The following THRAP3 variants were observed in gnomAD, a reference collection of about 807,000 sequenced individuals.
THRAP3 encodes thyroid hormone receptor associated protein 3.
Under a neutral mutation model 101.0 loss-of-function variants are expected in THRAP3, and 16 were observed. The ratio of observed to expected loss-of-function variants is 0.16; its 90% CI spans 0.11 to 0.24. The LOEUF is 0.24. THRAP3 is among the 10% of genes least tolerant of loss of function. The pLI, the probability that THRAP3 is intolerant of heterozygous loss-of-function variation, is 1.00. For missense variants in THRAP3, 989 were observed against 1,202.7 expected, an observed-to-expected ratio of 0.82 and a Z score of 2.63; for synonymous variants, 407 against 422.6, an observed-to-expected ratio of 0.96 and a Z score of 0.45.
intron 1 of THRAP3, among the ~76,000 whole-genome samples, chr1:36,238,691 C>G (rs182507627): frequency 6.6e-6 from 1 of 152,036 alleles, no homozygotes; most frequent in African/African-American, 2.4e-5. Flanking sequence ...AATGAGTGAG[C>G]TTTTCGGGCT....
intron 6 of THRAP3, 146 bp downstream of exon 6, chr1:36,291,692 C>G: frequency 2.5e-6 from 2 of 804,990 alleles, no homozygotes; most frequent in Non-Finnish European, 3.8e-6. Flanking sequence ...AAATTCCATT[C>G]AAGAAGCAGT....
intron 2 of THRAP3, among the ~76,000 whole-genome samples, chr1:36,274,107 C>CACAT (rs1557437807): frequency 1.4e-5 from 2 of 141,546 alleles, no homozygotes; most frequent in African/African-American, 5.3e-5. Context: ...CACACACACA[C>CACAT]AGACAAAATG....
At chr1:36,249,983 C>A (rs1250271516) in intron 1 of THRAP3, among the ~76,000 whole-genome samples, 2 of 152,024 alleles carry the variant, frequency 1.3e-5, no homozygotes, top group South Asian at 4.1e-4. Flanking sequence ...ATTCTGGCAT[C>A]AAATTTGGTC....
At chr1:36,291,285 T>A in intron 5 of THRAP3, 89 bp from the exon 6 acceptor site, 1 of 1,376,420 alleles carries the variant, frequency 7.3e-7, no homozygotes. Flanking sequence ...ATAGATAGAT[T>A]TAAAACTCTT....
At chr1:36,293,395 G>C (rs957428418) in intron 7 of THRAP3, among the ~76,000 whole-genome samples, 1 of 152,150 alleles carries the variant, frequency 6.6e-6, no homozygotes, top group African/African-American at 2.4e-5. Context: ...TGGGTAGTTG[G>C]ATTCTTCTGG....
chr1:36,234,109 C>T (rs562398559), intron 1 of THRAP3, among the ~76,000 whole-genome samples: 2 of 152,144 alleles, frequency 1.3e-5, no homozygotes, highest in Non-Finnish European at 2.9e-5. Flanking sequence ...GTGCCCACCA[C>T]CATGCCTGGC....
chr1:36,263,038 C>T (rs1470835665), intron 2 of THRAP3, among the ~76,000 whole-genome samples: 3 of 147,704 alleles, frequency 2.0e-5, no homozygotes, highest in Non-Finnish European at 3.0e-5. Context: ...TCTCTATCTC[C>T]TGACCTCGTG....
intron 3 of THRAP3, among the ~76,000 whole-genome samples, chr1:36,283,381 C>G (rs1005941296): frequency 6.6e-6 from 1 of 152,158 alleles, no homozygotes; most frequent in East Asian, 1.9e-4. Context: ...CCTCCAGCGT[C>G]TTTCCTCTCT....
At chr1:36,292,894 GTC>G (rs1230138795) in intron 7 of THRAP3, among the ~76,000 whole-genome samples, 185 bp downstream of exon 7, 3 of 152,132 alleles carry the variant, frequency 2.0e-5, no homozygotes, top group Admixed American at 6.5e-5. Flanking sequence ...TGGGACAACA[GTC>G]TCTCACATTG....
intron 1 of THRAP3, among the ~76,000 whole-genome samples, chr1:36,229,913 A>G (rs1645007281): frequency 6.7e-6 from 1 of 150,008 alleles, no homozygotes. Context: ...TGGCCTCCCA[A>G]AGTGCTGGGA....
chr1:36,275,412 C>T (rs1264683469), intron 2 of THRAP3, among the ~76,000 whole-genome samples: 1 of 149,720 alleles, frequency 6.7e-6, no homozygotes, highest in Non-Finnish European at 1.5e-5. Flanking sequence ...ATGGCGAAAC[C>T]CTGTCTCTAC....
upstream of THRAP3, among the ~76,000 whole-genome samples, chr1:36,220,197 T>C (rs554666984): frequency 6.6e-6 from 1 of 152,240 alleles, no homozygotes; most frequent in South Asian, 2.1e-4. Flanking sequence ...TTCACTGTGT[T>C]GGCCAGGCTG....
At chr1:36,207,855 C>T in the THRAP3 span, among the ~76,000 whole-genome samples, 96 of 152,238 alleles carry the variant, frequency 6.3e-4, 2 homozygotes, top group East Asian at 0.011. Context: ...TGCCGTGGCA[C>T]GATCTTGGCT....
At chr1:36,270,778 C>T (rs1424090866) in intron 2 of THRAP3, among the ~76,000 whole-genome samples, 4 of 151,788 alleles carry the variant, frequency 2.6e-5, no homozygotes, top group African/African-American at 4.8e-5. Context: ...GGTTTCTCCA[C>T]GTTGGTCAGG....
At chr1:36,232,062 A>G (rs1645034256) in intron 1 of THRAP3, among the ~76,000 whole-genome samples, 1 of 151,958 alleles carries the variant, frequency 6.6e-6, no homozygotes, top group South Asian at 2.1e-4. Flanking sequence ...CTAAAAATAG[A>G]AAAATTAGGC....
At chr1:36,239,079 G>T (rs933878251) in intron 1 of THRAP3, among the ~76,000 whole-genome samples, 4 of 147,574 alleles carry the variant, frequency 2.7e-5, no homozygotes, top group South Asian at 4.3e-4. Context: ...GAGTACAGGT[G>T]CCCACAACCA....
Position 36,286,931 on chromosome 1 carries a change from C to T in THRAP3, c.701C>T (p.Ser234Leu). 1 of 1,614,224 alleles carries T rather than the reference C, an allele frequency of 6.2e-7. No individual in the cohort carries two copies. Among genetic ancestry groups the T allele is most frequent in the East Asian group, 2.2e-5 (1 of 44,890 alleles). Reference sequence around the variant, plus strand: ...GCCACCTACGGCACTGGTTCTGCATCACGGGCCTCAGCAGTTTCTGAGCTG... The same window carrying T: ...GCCACCTACGGCACTGGTTCTGCATTACGGGCCTCAGCAGTTTCTGAGCTG... The part of the protein sequence containing the change: ...PDATYGTGSA[S>L]RASAVSELSP... The change falls in exon 4 of 12, where the codon TCA (serine) becomes TTA (leucine). Residue 234 changes from serine (S) to leucine (L), a missense_variant. Transcript: ENST00000354618. This position sits in a 1 kb window ranked among gnomAD's most constrained non-coding sequence, Gnocchi z 5.5.
chr1:36,217,823 G>A, the THRAP3 span, among the ~76,000 whole-genome samples: 1 of 152,072 alleles, frequency 6.6e-6, no homozygotes, highest in African/African-American at 2.4e-5. Flanking sequence ...TCCACCAACT[G>A]GCCATTCCCT....
chr1:36,250,299 C>T (rs567453178), intron 1 of THRAP3, among the ~76,000 whole-genome samples: 322 of 151,660 alleles, frequency 2.1e-3, no homozygotes, highest in Non-Finnish European at 3.5e-3. Flanking sequence ...CTGCAACCTC[C>T]GCCTCCCGGG....
Sources: gnomAD v4.1 joint callset for allele counts (sites outside exome capture counted in the v4.1 genomes callset) on GRCh38, gnomAD v4.1.1 for gene constraint, Gnocchi (gnomAD v3.1) non-coding constraint, MANE v1.5 for transcripts, NCBI Gene and HGNC (gene_info 2026-07-23, HGNC 2026-07-21) for gene names.